Variants in SLC15A5 observed in about 807,000 individuals in gnomAD.
The protein encoded by SLC15A5 is solute carrier family 15 member 5.
In SLC15A5, 58 loss-of-function variants were observed where a neutral mutation model predicts 56.1. That is an observed-to-expected ratio of 1.03 (90% CI 0.84 to 1.29). The LOEUF is 1.29. Ranked by LOEUF, SLC15A5 falls within the 50% of genes most tolerant of loss-of-function variation. SLC15A5 has a pLI of 0.00. For missense variants in SLC15A5, 681 were observed against 672.1 expected, an observed-to-expected ratio of 1.01 and a Z score of -0.15; for synonymous variants, 264 against 250.5, an observed-to-expected ratio of 1.05 and a Z score of -0.51.
Position 16,235,952 on chromosome 12 carries a change from G to C in SLC15A5, c.1162+3729C>G, listed in dbSNP as rs1864348411. Among the ~76,000 whole-genome samples, 1 of 152,064 alleles carries C rather than the reference G, an allele frequency of 6.6e-6. No homozygotes were observed. On this transcript the variant is annotated intron_variant, in intron 5 of 8. Transcript: ENST00000344941. The surrounding 1 kb of genome is among the most constrained non-coding windows in gnomAD (Gnocchi z 4.1). ...CTATATCATAAAAGACTTTTAGCTGGAACTTGAATTTTCATGTTTTTATTT... is the reference window on the plus strand; with the variant it reads ...CTATATCATAAAAGACTTTTAGCTGCAACTTGAATTTTCATGTTTTTATTT...
chr12:16,203,233 C>T (rs540902049), intron 7 of SLC15A5, among the ~76,000 whole-genome samples: 14 of 151,678 alleles, frequency 9.2e-5, no homozygotes, highest in African/African-American at 2.9e-4. Flanking sequence ...ACATTGTACC[C>T]CATAGATATA....
intron 2 of SLC15A5, among the ~76,000 whole-genome samples, chr12:16,260,786 T>G (rs534600772): frequency 6.6e-6 from 1 of 152,046 alleles, no homozygotes; most frequent in African/African-American, 2.4e-5. Context: ...CTTTTATGGG[T>G]TTTGATCTCA....
At chr12:16,240,515 A>G (rs925629617) in intron 4 of SLC15A5, among the ~76,000 whole-genome samples, 1 of 152,154 alleles carries the variant, frequency 6.6e-6, no homozygotes, top group African/African-American at 2.4e-5. Flanking sequence ...AGAATTCCAT[A>G]AAGGAAACAA....
intron 5 of SLC15A5, among the ~76,000 whole-genome samples, chr12:16,226,790 T>C (rs1177625436): frequency 1.3e-5 from 2 of 152,216 alleles, no homozygotes; most frequent in Non-Finnish European, 2.9e-5. Context: ...ACCGAGTCTG[T>C]ATCTACTCTA....
At position 16,271,866 on chromosome 12, in the gene SLC15A5, G is replaced by A. The variant is rs1864761752; in HGVS notation, c.584+695C>T. Among the ~76,000 whole-genome samples, 1 of 152,136 alleles carries A rather than the reference G, an allele frequency of 6.6e-6. No homozygotes were observed. Among genetic ancestry groups the A allele is most frequent in the Non-Finnish European group, 1.5e-5 (1 of 68,014 alleles). On this transcript the variant is annotated intron_variant, in intron 2 of 8. Coordinates refer to ENST00000344941, the MANE Select transcript of SLC15A5 (RefSeq NM_001170798.1). This position sits in a 1 kb window ranked among gnomAD's most constrained non-coding sequence, Gnocchi z 8.0. ...CCGACGAACTCCATAAGAACTCGTT[G>A]GGAGAGACAAAGATTCACAGGAAGG...
chr12:16,261,073 A>C (rs903124865), intron 2 of SLC15A5, among the ~76,000 whole-genome samples: 3 of 151,782 alleles, frequency 2.0e-5, no homozygotes, highest in Admixed American at 2.0e-4. Context: ...AAAGAGCTTT[A>C]TTGAGATATA....
intron 7 of SLC15A5, among the ~76,000 whole-genome samples, chr12:16,198,126 GT>G (rs1381762834): frequency 6.6e-6 from 1 of 152,128 alleles, no homozygotes; most frequent in African/African-American, 2.4e-5. Flanking sequence ...TAACCAGCTA[GT>G]TAGTAATAGT....
intron 5 of SLC15A5, among the ~76,000 whole-genome samples, chr12:16,228,962 G>A (rs375350936): frequency 1.3e-5 from 2 of 152,062 alleles, no homozygotes; most frequent in East Asian, 1.9e-4. Flanking sequence ...CAACCCCTGC[G>A]TTGTTCAAGG....
chr12:16,258,501 G>A (rs1243785668), intron 2 of SLC15A5, among the ~76,000 whole-genome samples: 3 of 151,974 alleles, frequency 2.0e-5, no homozygotes, highest in East Asian at 3.9e-4. Flanking sequence ...CTTTCACTGG[G>A]TATAAATCTT....
chr12:16,205,592 C>T (rs2694693), intron 7 of SLC15A5, among the ~76,000 whole-genome samples: 16,881 of 72,864 alleles, frequency 0.23, 2,318 homozygotes, highest in South Asian at 0.46. Context: ...TATATATATA[C>T]ATATACACAC....
In SLC15A5 at chr12:16,223,953, T is replaced by A. The variant is rs1174552810; in HGVS notation, c.1351+461A>T. 2.6e-5 allele frequency among the ~76,000 whole-genome samples: 4 copies of A among 152,268 alleles called. No individual in the cohort carries two copies. The East Asian group carries it at 7.7e-4, about 29-fold the overall frequency. On this transcript the variant is annotated intron_variant, in intron 6 of 8. Coordinates refer to ENST00000344941, the MANE Select transcript of SLC15A5 (RefSeq NM_001170798.1). ...GGATGGTCTTGATCTCTTGACCTCG[T>A]GATCCACCTGCCTTGGCCTCCCAAA...
At chr12:16,275,599 A>G (rs1461472097) in intron 1 of SLC15A5, among the ~76,000 whole-genome samples, 2 of 151,980 alleles carry the variant, frequency 1.3e-5, no homozygotes, top group African/African-American at 4.8e-5. Context: ...CAGACAGAAG[A>G]CCTTTCTTAT....
In SLC15A5 at chr12:16,216,771, A is replaced by T. The variant is rs1591645044; in HGVS notation, c.1483+122T>A. On this transcript the variant is annotated intron_variant, in intron 7 of 8. Coordinates refer to ENST00000344941, the MANE Select transcript of SLC15A5 (RefSeq NM_001170798.1). The stretch of plus-strand genomic sequence containing the variant: ...TATTTCCTATCTTAATTCTATCTTA[A>T]TTGCAAAAGTGGATCAATTAAAAAA... The T allele has an allele frequency of 3.7e-6, 3 of 815,074 alleles. No individual in the cohort carries two copies. The East Asian group carries it at 8.3e-5, about 23-fold the overall frequency. The allele number at this position is 815,074 out of a possible 1,614,324, so 50.5% of individuals were successfully genotyped here. A position where few individuals can be genotyped will look rare whatever the true frequency, so the allele number is the denominator to read the frequency against.
At chr12:16,208,031 A>C (rs1339882698) in intron 7 of SLC15A5, among the ~76,000 whole-genome samples, 2 of 152,024 alleles carry the variant, frequency 1.3e-5, no homozygotes, top group African/African-American at 4.8e-5. Context: ...TTGCTCTTCC[A>C]ACTCCCCATT....
At chr12:16,194,556 T>C in intron 7 of SLC15A5, 103 bp from the exon 8 acceptor site, 2 of 686,298 alleles carry the variant, frequency 2.9e-6, no homozygotes, top group Non-Finnish European at 4.5e-6. Flanking sequence ...TTCAGTAATA[T>C]CCACAAAGCA....
chr12:16,233,507 T>C (rs1165515665), intron 5 of SLC15A5, among the ~76,000 whole-genome samples: 8 of 152,242 alleles, frequency 5.3e-5, no homozygotes. Flanking sequence ...ATTCTTACCA[T>C]GCAGGTCATA....
intron 6 of SLC15A5, among the ~76,000 whole-genome samples, chr12:16,221,171 A>G (rs901002556): frequency 1.3e-5 from 2 of 152,184 alleles, no homozygotes; most frequent in Admixed American, 6.5e-5. Flanking sequence ...TGTTTCTTCA[A>G]TCAAAATGTA....
intron 2 of SLC15A5, among the ~76,000 whole-genome samples, chr12:16,266,846 G>T (rs1237181815): frequency 1.3e-5 from 2 of 152,136 alleles, no homozygotes; most frequent in Non-Finnish European, 2.9e-5. Context: ...TGTTTCTTTA[G>T]CCTACTTTTA....
intron 7 of SLC15A5, among the ~76,000 whole-genome samples, chr12:16,203,084 T>C (rs1022384497): frequency 6.6e-6 from 1 of 152,132 alleles, no homozygotes; most frequent in Non-Finnish European, 1.5e-5. Context: ...TCAATAATAA[T>C]GTATTGTATA....
Sources: gnomAD v4.1 joint callset for allele counts (sites outside exome capture counted in the v4.1 genomes callset) on GRCh38, gnomAD v4.1.1 for gene constraint, Gnocchi (gnomAD v3.1) non-coding constraint, MANE v1.5 for transcripts, NCBI Gene and HGNC (gene_info 2026-07-23, HGNC 2026-07-21) for gene names.